Variants in CCDC178 observed in about 807,000 individuals in gnomAD.
The protein encoded by CCDC178 is coiled-coil domain-containing protein 178.
In CCDC178, 126 loss-of-function variants were observed where a neutral mutation model predicts 117.4. The observed-to-expected ratio is 1.07, with a 90% CI of 0.93 to 1.24. The LOEUF is 1.24. Among genes scored for constraint, CCDC178 ranks in the 50% most tolerant of loss-of-function variants. CCDC178 has a pLI of 0.00. For synonymous variants in CCDC178, 283 were observed against 313.4 expected (o/e 0.90, Z 1.02); for missense variants, 1,030 against 986.9 (o/e 1.04, Z -0.59).
Position 33,386,834 on chromosome 18 carries a change from C to G in CCDC178, c.208+2706G>C, listed in dbSNP as rs567395309. Among the ~76,000 whole-genome samples, 7 of 152,256 alleles carry G rather than the reference C, an allele frequency of 4.6e-5. No individual in the cohort carries two copies. The East Asian group carries it at 9.7e-4, about 21-fold the overall frequency. On this transcript the variant is annotated intron_variant, in intron 5 of 22. Coordinates refer to ENST00000383096, the MANE Select transcript of CCDC178 (RefSeq NM_001105528.4). ...GACAAGGATGCCCTCACTCACCACT[C>G]TTATTCAACATAGTGTTGGAAGTTC...
intron 21 of CCDC178, among the ~76,000 whole-genome samples, chr18:33,062,467 G>T (rs1040380835): frequency 2.0e-4 from 31 of 152,172 alleles, no homozygotes. Context: ...GCATGCAAGT[G>T]ACAGGGAACC....
chr18:33,259,849 T>A (rs1199335230), intron 14 of CCDC178, among the ~76,000 whole-genome samples: 1 of 152,194 alleles, frequency 6.6e-6, no homozygotes, highest in East Asian at 1.9e-4. Context: ...CTGCATACAA[T>A]ATGAATTCAA....
At chr18:33,077,553 A>G (rs1405216065) in intron 21 of CCDC178, among the ~76,000 whole-genome samples, 2 of 152,202 alleles carry the variant, frequency 1.3e-5, no homozygotes, top group East Asian at 3.9e-4. Context: ...AAAGAAGAAA[A>G]GAGAGAAGAT....
chr18:33,259,185 A>G (rs927406716), intron 14 of CCDC178, among the ~76,000 whole-genome samples: 5 of 152,206 alleles, frequency 3.3e-5, no homozygotes, highest in East Asian at 1.9e-4. Flanking sequence ...AACAAATGTA[A>G]TATCTTCACA....
At chr18:33,060,934 T>C (rs1441149913) in intron 21 of CCDC178, among the ~76,000 whole-genome samples, 1 of 152,144 alleles carries the variant, frequency 6.6e-6, no homozygotes, top group African/African-American at 2.4e-5. Context: ...TGACCTATTC[T>C]ATTATTTACC....
At chr18:32,949,712 G>T (rs1462535016) in intron 22 of CCDC178, among the ~76,000 whole-genome samples, 1 of 151,888 alleles carries the variant, frequency 6.6e-6, no homozygotes, top group African/African-American at 2.4e-5. Flanking sequence ...TAATTGATTG[G>T]TTTTTCTCTC....
At chr18:33,290,794 A>G (rs1401920265) in intron 12 of CCDC178, among the ~76,000 whole-genome samples, 1 of 152,120 alleles carries the variant, frequency 6.6e-6, no homozygotes, top group Non-Finnish European at 1.5e-5. Flanking sequence ...AAAAAGATCC[A>G]CACAAACATA....
In CCDC178 at chr18:33,267,064, G is replaced by A; in HGVS notation, c.1273-12C>T. 1.9e-6 allele frequency: 3 copies of A among 1,570,458 alleles called. No homozygotes were observed. Among genetic ancestry groups the A allele is most frequent in the African/African-American group, 1.4e-5 (1 of 72,342 alleles). ...TCCCATGTTTTTTTCTTTAAGAAAA[G>A]AATAAAAGAATCATTCATACATGTC... On this transcript the variant is annotated splice_polypyrimidine_tract_variant and intron_variant, in intron 13 of 22. Coordinates refer to ENST00000383096, the MANE Select transcript of CCDC178 (RefSeq NM_001105528.4).
At chr18:33,419,675 T>A (rs185831179) in intron 2 of CCDC178, among the ~76,000 whole-genome samples, 1 of 152,276 alleles carries the variant, frequency 6.6e-6, no homozygotes, top group East Asian at 1.9e-4. Context: ...CCAACAGGTA[T>A]ATCAAAAAAT....
At chr18:33,203,957 A>G (rs1220146335) in intron 20 of CCDC178, among the ~76,000 whole-genome samples, 1 of 152,228 alleles carries the variant, frequency 6.6e-6, no homozygotes, top group Non-Finnish European at 1.5e-5. Flanking sequence ...TGTAAGAGTT[A>G]GGGGAAGCTA....
chr18:33,213,535 T>C (rs973102313), intron 19 of CCDC178, among the ~76,000 whole-genome samples: 2 of 151,882 alleles, frequency 1.3e-5, no homozygotes, highest in African/African-American at 4.8e-5. Context: ...AAAATGTTCA[T>C]AGTTGATCCC....
intron 20 of CCDC178, among the ~76,000 whole-genome samples, chr18:33,156,742 A>C (rs1049099173): frequency 1.3e-5 from 2 of 151,320 alleles, no homozygotes; most frequent in Non-Finnish European, 2.9e-5. Flanking sequence ...CAAGAGCTGG[A>C]GTTGTGGGGA....
intron 20 of CCDC178, among the ~76,000 whole-genome samples, chr18:33,169,182 T>C (rs534996143): frequency 6.6e-6 from 1 of 152,354 alleles, no homozygotes; most frequent in South Asian, 2.1e-4. Flanking sequence ...TTTCTTTCTC[T>C]ATCAGGCATT....
At chr18:33,275,882 T>C (rs72953109) in intron 12 of CCDC178, among the ~76,000 whole-genome samples, 10,422 of 151,914 alleles carry the variant, frequency 0.069, 557 homozygotes, top group African/African-American at 0.14. Context: ...TCCTAGTATG[T>C]AATATTTGTT....
chr18:33,164,884 A>G (rs574460431), intron 20 of CCDC178, among the ~76,000 whole-genome samples: 4 of 152,330 alleles, frequency 2.6e-5, no homozygotes, highest in African/African-American at 9.6e-5. Context: ...CTCAGAAGTC[A>G]TATCAATAAA....
intron 21 of CCDC178, among the ~76,000 whole-genome samples, chr18:33,086,425 T>TAC (rs574137969): frequency 0.013 from 1,990 of 147,896 alleles, 20 homozygotes; most frequent in African/African-American, 0.034. Context: ...TAAATATATA[T>TAC]ACACACACAC....
chr18:33,155,805 A>G (rs1485344314), intron 20 of CCDC178, among the ~76,000 whole-genome samples: 2 of 152,156 alleles, frequency 1.3e-5, no homozygotes, highest in African/African-American at 2.4e-5. Flanking sequence ...ACATACTAGC[A>G]GACCCAGACA....
chr18:32,971,702 T>A (rs1264835570), intron 22 of CCDC178, among the ~76,000 whole-genome samples: 1 of 152,172 alleles, frequency 6.6e-6, no homozygotes, highest in Non-Finnish European at 1.5e-5. Flanking sequence ...CCTGACTTTT[T>A]AATAATCGTC....
chr18:33,368,597 A>G (rs2063251329), intron 6 of CCDC178, among the ~76,000 whole-genome samples: 2 of 151,910 alleles, frequency 1.3e-5, no homozygotes, highest in South Asian at 4.1e-4. Flanking sequence ...CAGTTTATCA[A>G]CTGTTCAGAG....
Sources: allele counts gnomAD v4.1 joint callset (sites outside exome capture counted in the v4.1 genomes callset), GRCh38; gene constraint gnomAD v4.1.1; transcripts MANE v1.5; gene names NCBI Gene and HGNC (gene_info 2026-07-23, HGNC 2026-07-21).